The following RBM6 variants were observed in gnomAD, a reference collection of about 807,000 sequenced individuals.
RBM6 encodes the protein RNA binding motif protein 6, also known as RNA-binding protein 6.
A neutral mutation model predicts 140.4 loss-of-function variants in RBM6; 23 were observed. The ratio of observed to expected loss-of-function variants is 0.16; its 90% CI spans 0.12 to 0.23. The LOEUF (loss-of-function observed/expected upper bound fraction) is 0.23. Ranked by LOEUF, RBM6 falls within the 10% of genes least tolerant of loss-of-function variation. The pLI is 1.00. For missense variants in RBM6, 1,139 were observed against 1,386.7 expected (o/e 0.82, Z 2.84); for synonymous variants, 439 against 475.6 (o/e 0.92, Z 1.00).
intron 6 of RBM6, among the ~76,000 whole-genome samples, chr3:50,018,136 G>A (rs2087265549): frequency 6.6e-6 from 1 of 152,192 alleles, no homozygotes; most frequent in Admixed American, 6.5e-5. Flanking sequence ...GTATCATACA[G>A]AATAGTTTCA....
At position 49,982,052 on chromosome 3, in the gene RBM6, G is replaced by A. The variant is rs1030763252; in HGVS notation, c.1483+6660G>A. On this transcript the variant is annotated intron_variant, in intron 5 of 20. Transcript: ENST00000266022. ...AAAGTTAGAGGATTACTAAGGTGGT[G>A]TTAGTAGGAAGAAGCAATATCTTGC... Among the ~76,000 whole-genome samples, 3 of 152,164 alleles carry A rather than the reference G, an allele frequency of 2.0e-5. No individual in the cohort carries two copies. The East Asian group carries it at 5.8e-4, about 29-fold the overall frequency.
Position 49,968,194 on chromosome 3 carries a change from T to A in RBM6, c.769T>A (p.Phe257Ile). Residue 257 changes from phenylalanine to isoleucine, a missense_variant, in exon 3 of 21, where the codon TTC (phenylalanine) becomes ATC (isoleucine). Phe to Ile is a conservative substitution (Grantham distance 21, BLOSUM62 0). Around this residue, in one of 9 missense-constraint regions of RBM6, gnomAD observed 566 missense variants for 612.7 expected, o/e 0.92. Transcript: ENST00000266022. ...FRDRDTPHSD[F>I]RGRHRSRTDQ... is the part of the protein sequence containing the mutation. ...GGACAGGGATACGCCACATTCAGAT[T>A]TCAGAGGTAGACACCGATCTAGGAC... 1 of 1,614,066 alleles carries A rather than the reference T, an allele frequency of 6.2e-7. No homozygotes were observed. The highest frequency in any genetic ancestry group is 1.1e-5 in the South Asian group (1 of 91,076).
chr3:50,018,685 A>C (rs9862513), intron 6 of RBM6, among the ~76,000 whole-genome samples: 2,495 of 135,070 alleles, frequency 0.018, 95 homozygotes, highest in African/African-American at 0.064. Context: ...TCTGCCTCCC[A>C]GGTTCAAGTG....
intron 5 of RBM6, among the ~76,000 whole-genome samples, chr3:49,986,594 CAA>C (rs377686651): frequency 5.2e-5 from 6 of 114,606 alleles, no homozygotes; most frequent in African/African-American, 1.2e-4. Context: ...GACTCCGTCT[CAA>C]AAAAAAAAAA....
chr3:50,019,542 A>T (rs1219603723), intron 6 of RBM6, among the ~76,000 whole-genome samples: 1 of 150,544 alleles, frequency 6.6e-6, no homozygotes, highest in Non-Finnish European at 1.5e-5. Context: ...TCCTATAGAG[A>T]TAGGGTCTCG....
At chr3:50,060,502 C>T (rs767632989) in intron 11 of RBM6, among the ~76,000 whole-genome samples, 3 of 151,674 alleles carry the variant, frequency 2.0e-5, no homozygotes, top group Non-Finnish European at 4.4e-5. Flanking sequence ...AATCTCAGCA[C>T]CTGGGGAGGC....
At chr3:49,968,783 T>C (rs752208456) in intron 3 of RBM6, 35 bp downstream of exon 3, 15 of 1,417,824 alleles carry the variant, frequency 1.1e-5, no homozygotes, top group East Asian at 2.3e-5. Flanking sequence ...TTTTTTTTTT[T>C]TTTTTTTTTT....
intron 5 of RBM6, among the ~76,000 whole-genome samples, chr3:49,981,293 A>G (rs1433672451): frequency 1.3e-5 from 2 of 152,190 alleles, no homozygotes; most frequent in Non-Finnish European, 2.9e-5. Flanking sequence ...AGTGGTTCTC[A>G]GAGTGGATCC....
intron 1 of RBM6, among the ~76,000 whole-genome samples, chr3:49,958,908 G>T (rs921365136): frequency 6.7e-6 from 1 of 149,370 alleles, no homozygotes; most frequent in East Asian, 2.0e-4. Flanking sequence ...CGATACTCCT[G>T]CCTCAGCCTC....
chr3:49,995,379 A>G (rs996953846), intron 5 of RBM6, among the ~76,000 whole-genome samples: 8 of 152,068 alleles, frequency 5.3e-5, no homozygotes, highest in African/African-American at 1.9e-4. Context: ...AACGTGGCGA[A>G]ACTCCGTCTC....
At position 49,968,031 on chromosome 3, in the gene RBM6, T is replaced by G. The variant is rs762953671; in HGVS notation, c.606T>G (p.Asp202Glu). The change falls in exon 3 of 21, where the codon GAT becomes GAG. Residue 202 changes from aspartate (D) to glutamate (E), a missense_variant. This residue lies in a region of RBM6 where 566 missense variants were observed against 612.7 expected (regional missense o/e 0.92). Coordinates refer to ENST00000266022, the MANE Select transcript of RBM6 (RefSeq NM_005777.3). Reference sequence around the variant, plus strand: ...ATTTTAGGGGAAGGGATTTATCAGATTTGGATTTTAGGGCCAGAGAACAGT... The same window carrying G: ...ATTTTAGGGGAAGGGATTTATCAGAGTTGGATTTTAGGGCCAGAGAACAGT... ...HADFRGRDLS[D>E]LDFRAREQSR... The G allele has an allele frequency of 9.3e-6, 15 of 1,613,946 alleles. No individual in the cohort carries two copies. The highest frequency in any genetic ancestry group is 1.3e-5 in the Non-Finnish European group (15 of 1,180,000).
intron 5 of RBM6, among the ~76,000 whole-genome samples, chr3:49,997,642 G>A (rs143218699): frequency 4.2e-4 from 64 of 152,240 alleles, no homozygotes; most frequent in Non-Finnish European, 2.8e-4. Context: ...TTTGTTCCAT[G>A]GCTAACCCTT....
chr3:49,949,707 G>A (rs1559513977), intron 1 of RBM6, among the ~76,000 whole-genome samples: 1 of 151,904 alleles, frequency 6.6e-6, no homozygotes. Context: ...TGGAGAAAAG[G>A]TTTCACCGTC....
intron 19 of RBM6, among the ~76,000 whole-genome samples, chr3:50,072,858 C>T (rs535369073): frequency 8.5e-5 from 13 of 152,256 alleles, no homozygotes; most frequent in South Asian, 2.1e-4. Context: ...AGGTGGGGTG[C>T]GGAAAGAGAC....
chr3:50,006,550 T>G (rs999341246), intron 6 of RBM6, among the ~76,000 whole-genome samples: 2 of 152,182 alleles, frequency 1.3e-5, no homozygotes, highest in Admixed American at 1.3e-4. Context: ...TAAGGTGTAC[T>G]TGAACAAGTG....
At chr3:50,011,328 T>A (rs893259503) in intron 6 of RBM6, among the ~76,000 whole-genome samples, 3 of 152,210 alleles carry the variant, frequency 2.0e-5, no homozygotes, top group African/African-American at 7.2e-5. Context: ...GGTAACAGGC[T>A]CCATTTGAAC....
chr3:50,007,412 C>G (rs964844844), intron 6 of RBM6, among the ~76,000 whole-genome samples: 1 of 151,868 alleles, frequency 6.6e-6, no homozygotes, highest in South Asian at 2.1e-4. Flanking sequence ...ATCTCGAACT[C>G]CTGAGGTCAA....
At chr3:50,048,192 C>G in intron 6 of RBM6, 53 bp from the exon 7 acceptor site, 1 of 1,595,326 alleles carries the variant, frequency 6.3e-7, no homozygotes, top group Non-Finnish European at 8.5e-7. Context: ...CTTTCTGTCT[C>G]TGTCTGTTTC....
Position 49,963,657 on chromosome 3 carries a change from T to C in RBM6, c.44+972T>C, listed in dbSNP as rs373925227. The stretch of plus-strand genomic sequence containing the variant: ...GAAGAGTGGAGAAAGTGGTAGCATT[T>C]AGTTGTAAATAGATTGTATTTTAAA... On this transcript the variant is annotated intron_variant, in intron 2 of 20. Transcript: ENST00000266022. Among the ~76,000 whole-genome samples the C allele has an allele frequency of 7.2e-5, 11 of 152,318 alleles. No individual in the cohort carries two copies. In the East Asian group the frequency reaches 9.6e-4, roughly 13 times the overall value.
Sources: allele counts gnomAD v4.1 joint callset (sites outside exome capture counted in the v4.1 genomes callset), GRCh38; gene constraint gnomAD v4.1.1; regional missense constraint gnomAD v4.1.1; transcripts MANE v1.5; gene names NCBI Gene and HGNC (gene_info 2026-07-23, HGNC 2026-07-21).